The following DYM variants were observed in gnomAD, a reference collection of about 807,000 sequenced individuals.
DYM encodes dymeclin, also known as dyggve-Melchior-Clausen syndrome protein.
In DYM, 78 loss-of-function variants were observed where a neutral mutation model predicts 93.1. The ratio of observed to expected loss-of-function variants is 0.84; its 90% CI spans 0.70 to 1.01. The LOEUF is 1.01. Among genes scored for constraint, DYM ranks in the 50% least tolerant of loss-of-function variants. The pLI, the probability that DYM is intolerant of heterozygous loss-of-function variation, is 0.00. For missense variants in DYM, 789 were observed against 845.0 expected, an observed-to-expected ratio of 0.93 and a Z score of 0.82; for synonymous variants, 321 against 319.7, an observed-to-expected ratio of 1.00 and a Z score of -0.04.
chr18:49,355,351 A>G (rs1473337684), intron 6 of DYM, among the ~76,000 whole-genome samples: 1 of 151,412 alleles, frequency 6.6e-6, no homozygotes, highest in Non-Finnish European at 1.5e-5. Context: ...ATCTATCAAT[A>G]ATTGATAGGT....
At chr18:49,354,361 T>C (rs566113525) in intron 6 of DYM, among the ~76,000 whole-genome samples, 5 of 152,020 alleles carry the variant, frequency 3.3e-5, no homozygotes, top group Admixed American at 2.6e-4. Context: ...AAATTATTGA[T>C]AGGAAGATTA....
At chr18:49,459,646 A>C (rs763529885) in intron 1 of DYM, among the ~76,000 whole-genome samples, 7 of 151,778 alleles carry the variant, frequency 4.6e-5, no homozygotes, top group Non-Finnish European at 8.8e-5. Flanking sequence ...TGTGCCCCCT[A>C]ATCAGTCTAT....
chr18:49,141,902 G>A (rs1360278427), intron 15 of DYM, among the ~76,000 whole-genome samples: 1 of 152,032 alleles, frequency 6.6e-6, no homozygotes, highest in Non-Finnish European at 1.5e-5. Flanking sequence ...CACTCAGGCT[G>A]GAGTGCAGTG....
intron 17 of DYM, among the ~76,000 whole-genome samples, chr18:49,094,912 A>C (rs2079406179): frequency 6.6e-6 from 1 of 152,228 alleles, no homozygotes; most frequent in African/African-American, 2.4e-5. Context: ...AACAACCCAG[A>C]AGGTAGTAGT....
intron 14 of DYM, among the ~76,000 whole-genome samples, chr18:49,165,130 A>C (rs1008949081): frequency 6.6e-6 from 1 of 152,200 alleles, no homozygotes; most frequent in African/African-American, 2.4e-5. Flanking sequence ...TGGCCATGTT[A>C]ATTTCCGACA....
At chr18:49,416,347 C>A (rs2072988165) in intron 2 of DYM, among the ~76,000 whole-genome samples, 1 of 152,160 alleles carries the variant, frequency 6.6e-6, no homozygotes, top group Non-Finnish European at 1.5e-5. Flanking sequence ...CAGGCAAGGT[C>A]AGTTTGGCTC....
At chr18:49,244,988 G>T (rs2094129775) in intron 13 of DYM, among the ~76,000 whole-genome samples, 1 of 152,154 alleles carries the variant, frequency 6.6e-6, no homozygotes, top group Admixed American at 6.5e-5. Context: ...AACATAAATT[G>T]TGAAGATTTC....
intron 2 of DYM, among the ~76,000 whole-genome samples, chr18:49,415,180 G>A (rs1023856899): frequency 2.6e-5 from 4 of 151,494 alleles, no homozygotes; most frequent in Admixed American, 2.0e-4. Flanking sequence ...AAAATTAGCC[G>A]AGCATGGCAC....
chr18:49,044,176 A>G lies in DYM; in HGVS notation c.2054T>C (p.Val685Ala). 1 of 1,614,194 alleles carries G rather than the reference A, an allele frequency of 6.2e-7. No homozygotes were observed. ...KKFPELKFKYVEEEQPEEFFI... is the reference protein window; with the variant it reads ...KKFPELKFKYAEEEQPEEFFI... ...AAACTCCTCGGGCTGCTCCTCTTCC[A>G]CATATTTGAATTTCAATTCTGGAAA... Residue 685 changes from valine to alanine, a missense_variant, in exon 18 of 18, where the codon GTG becomes GCG. By Grantham distance (64) the Val-to-Ala change is moderately conservative (BLOSUM62 0). This residue lies in a region of DYM where 114 missense variants were observed against 105.8 expected (regional missense o/e 1.08). Transcript: ENST00000675505.
At chr18:49,143,194 C>A (rs2084721742) in intron 15 of DYM, among the ~76,000 whole-genome samples, 3 of 152,180 alleles carry the variant, frequency 2.0e-5, no homozygotes, top group Non-Finnish European at 4.4e-5. Context: ...CATGAGAGCA[C>A]AGTAACTTCT....
At chr18:49,135,650 G>T (rs536859440) in intron 15 of DYM, among the ~76,000 whole-genome samples, 1 of 152,282 alleles carries the variant, frequency 6.6e-6, no homozygotes, top group East Asian at 1.9e-4. Context: ...GGCACTAAGA[G>T]AAACTAACGT....
chr18:49,133,874 T>C (rs2083591233), intron 15 of DYM, among the ~76,000 whole-genome samples: 1 of 152,238 alleles, frequency 6.6e-6, no homozygotes, highest in African/African-American at 2.4e-5. Context: ...TTAACATACC[T>C]ACAGGTTCTG....
At chr18:49,081,226 G>C (rs1381088413) in intron 17 of DYM, among the ~76,000 whole-genome samples, 2 of 150,772 alleles carry the variant, frequency 1.3e-5, no homozygotes, top group Non-Finnish European at 3.0e-5. Context: ...TGAGCACTGA[G>C]TGAACCAGAC....
At chr18:49,270,928 T>C (rs976110364) in intron 11 of DYM, among the ~76,000 whole-genome samples, 1 of 152,084 alleles carries the variant, frequency 6.6e-6, no homozygotes, top group Non-Finnish European at 1.5e-5. Flanking sequence ...ATAGAACCCC[T>C]AGCAAGGAGA....
intron 14 of DYM, among the ~76,000 whole-genome samples, chr18:49,179,195 T>G (rs1023391967): frequency 1.3e-5 from 2 of 152,130 alleles, no homozygotes; most frequent in Admixed American, 6.6e-5. Context: ...TCTCACTGCC[T>G]TCATGTATGA....
At chr18:49,150,209 C>G (rs1290637158) in intron 15 of DYM, among the ~76,000 whole-genome samples, 1 of 152,172 alleles carries the variant, frequency 6.6e-6, no homozygotes, top group Non-Finnish European at 1.5e-5. Flanking sequence ...AATTCATTAA[C>G]TAGTATGAAA....
At chr18:49,177,456 A>G (rs1023054618) in intron 14 of DYM, among the ~76,000 whole-genome samples, 3 of 152,128 alleles carry the variant, frequency 2.0e-5, no homozygotes, top group Admixed American at 6.6e-5. Flanking sequence ...CTCAACTGGA[A>G]CTTTGAAATT....
intron 3 of DYM, among the ~76,000 whole-genome samples, chr18:49,381,067 GCT>G (rs1176379336): frequency 6.6e-6 from 1 of 151,934 alleles, no homozygotes; most frequent in African/African-American, 2.4e-5. Context: ...TGCAATCATA[GCT>G]CTCTGCAACC....
chr18:49,190,324 C>T (rs1010922726), intron 14 of DYM, among the ~76,000 whole-genome samples: 7 of 152,196 alleles, frequency 4.6e-5, no homozygotes, highest in Admixed American at 1.3e-4. Flanking sequence ...ACAGAAAAGA[C>T]TGAAATATCA....
Sources: gnomAD v4.1 joint callset for allele counts (sites outside exome capture counted in the v4.1 genomes callset) on GRCh38, gnomAD v4.1.1 for gene constraint, gnomAD v4.1.1 regional missense constraint, MANE v1.5 for transcripts, NCBI Gene and HGNC (gene_info 2026-07-23, HGNC 2026-07-21) for gene names.